The following NECAB1 variants were observed in gnomAD, a reference collection of about 807,000 sequenced individuals.
NECAB1 encodes the protein N-terminal EF-hand calcium-binding protein 1.
NECAB1 carries 29 observed loss-of-function variants against 57.5 expected under a neutral mutation model. The ratio of observed to expected loss-of-function variants is 0.50; its 90% CI spans 0.38 to 0.69. NECAB1 has a LOEUF of 0.69. Among genes scored for constraint, NECAB1 ranks in the 30% least tolerant of loss-of-function variants. The pLI, the probability that NECAB1 is intolerant of heterozygous loss-of-function variation, is 0.00. For synonymous variants in NECAB1, 142 were observed against 147.7 expected (o/e 0.96, Z 0.28); for missense variants, 372 against 413.8 (o/e 0.90, Z 0.88).
At chr8:90,955,094 A>T (rs1322422909) in intron 12 of NECAB1, among the ~76,000 whole-genome samples, 1 of 125,472 alleles carries the variant, frequency 8.0e-6, no homozygotes, top group East Asian at 2.5e-4. Context: ...AGGATTTCAT[A>T]AATATTGGGT....
At chr8:90,948,180 G>A (rs1409686916) in intron 10 of NECAB1, among the ~76,000 whole-genome samples, 1 of 152,076 alleles carries the variant, frequency 6.6e-6, no homozygotes. Flanking sequence ...CTCTTCCTAG[G>A]AAAACATATA....
At chr8:90,954,873 ATATG>A (rs1432178149) in intron 12 of NECAB1, among the ~76,000 whole-genome samples, 2 of 148,078 alleles carry the variant, frequency 1.4e-5, no homozygotes, top group African/African-American at 4.9e-5. Flanking sequence ...ACATATGCAT[ATATG>A]TATATTATGT....
rs201802034 is a variant in NECAB1, at chr8:90,849,361, TG to T, written c.234-22764del. Among the ~76,000 whole-genome samples the T allele has an allele frequency of 6.3e-3, 956 of 151,918 alleles. 9 individuals carry two copies. The highest frequency in any genetic ancestry group is 0.022 in the African/African-American group (907 of 41,424). ...ATGGGTGCCTGTAGTTCCAGCTGCT[TG>T]GGAGGCTGAGGTGGGAGGATCACTT... On this transcript the variant is annotated intron_variant, in intron 3 of 12. Coordinates refer to ENST00000417640, the MANE Select transcript of NECAB1 (RefSeq NM_022351.5).
intron 3 of NECAB1, among the ~76,000 whole-genome samples, chr8:90,841,728 G>T (rs1586050779): frequency 6.6e-6 from 1 of 152,174 alleles, no homozygotes; most frequent in Non-Finnish European, 1.5e-5. Context: ...CTGGGTTTCA[G>T]TATTGAGAGA....
At chr8:90,899,959 A>G (rs530962702) in intron 5 of NECAB1, among the ~76,000 whole-genome samples, 1 of 152,296 alleles carries the variant, frequency 6.6e-6, no homozygotes, top group South Asian at 2.1e-4. Flanking sequence ...CTACAGTCTG[A>G]TACACTAGTG....
rs1811053569 is a variant in NECAB1 at position 90,957,566 on chromosome 8, A to T, written c.*2054A>T. 6.6e-6 allele frequency: 1 copy of T among 151,046 alleles called. No individual in the cohort carries two copies. Among genetic ancestry groups the T allele is most frequent in the Non-Finnish European group, 1.5e-5 (1 of 67,662 alleles). 9.4% of individuals were successfully genotyped at this position (151,046 alleles called of 1,614,324 possible). ...CAGCTCTTATACAAATTATACATGT[A>T]TTTTTGTGTATGTTTGTGAGAGTTG... On this transcript the variant is annotated 3_prime_UTR_variant, in exon 13 of 13. Coordinates refer to ENST00000417640, the MANE Select transcript of NECAB1 (RefSeq NM_022351.5).
intron 10 of NECAB1, among the ~76,000 whole-genome samples, chr8:90,944,697 T>G (rs1810757594): frequency 6.6e-6 from 1 of 152,202 alleles, no homozygotes; most frequent in South Asian, 2.1e-4. Flanking sequence ...TAAAATCATG[T>G]TCATGGCCTA....
At chr8:90,948,541 TTAAGTTTACTGG>T (rs1209583563) in intron 10 of NECAB1, among the ~76,000 whole-genome samples, 1 of 152,230 alleles carries the variant, frequency 6.6e-6, no homozygotes, top group Non-Finnish European at 1.5e-5. Flanking sequence ...TCTCTTACTG[TTAAGTTTACTGG>T]TAAGTTCTTT....
chr8:90,836,209 A>T (rs1812368751), intron 3 of NECAB1, among the ~76,000 whole-genome samples: 1 of 150,686 alleles, frequency 6.6e-6, no homozygotes, highest in South Asian at 2.1e-4. Context: ...TTTATATGTT[A>T]AAAAAAGTTT....
intron 2 of NECAB1, among the ~76,000 whole-genome samples, chr8:90,808,238 A>T (rs951031935): frequency 2.6e-5 from 4 of 152,304 alleles, no homozygotes; most frequent in South Asian, 4.1e-4. Context: ...TGGAGGGCAC[A>T]CAGCATAGAC....
At chr8:90,940,538 T>TTA in intron 9 of NECAB1, 1 of 410,394 alleles carries the variant, frequency 2.4e-6, no homozygotes, top group Admixed American at 3.6e-5. Context: ...AATCACTGCT[T>TTA]TTAAAGGGAA....
chr8:90,814,155 C>T (rs61307809), intron 2 of NECAB1, among the ~76,000 whole-genome samples: 17,444 of 152,222 alleles, frequency 0.11, 1,575 homozygotes, highest in African/African-American at 0.25. Context: ...TCAAGGAGTA[C>T]TAGGTCTGCT....
chr8:90,850,725 G>A (rs1397068801), intron 3 of NECAB1, among the ~76,000 whole-genome samples: 2 of 152,126 alleles, frequency 1.3e-5, no homozygotes, highest in Admixed American at 1.3e-4. Flanking sequence ...TGTTTCCATT[G>A]AAATTATTAC....
chr8:90,921,169 A>G (rs2130140091), intron 6 of NECAB1, among the ~76,000 whole-genome samples: 1 of 152,208 alleles, frequency 6.6e-6, no homozygotes, highest in South Asian at 2.1e-4. Context: ...GTCATCTGCC[A>G]CCATGCCCAG....
chr8:90,872,342 G>C, intron 4 of NECAB1, 189 bp downstream of exon 4: 1 of 493,786 alleles, frequency 2.0e-6, no homozygotes, highest in Non-Finnish European at 3.6e-6. Context: ...ACTCCAGAAA[G>C]AGTTGGGCCT....
chr8:90,917,951 TACACACAC>T lies in NECAB1; in HGVS notation c.494+327_494+334del, dbSNP rs745796405. Reference sequence around the variant, plus strand: ...ATATATGTGTATGTGTGTATATATATACACACACACATATGTGTGTGTGTGTATATATA... The same window carrying T: ...ATATATGTGTATGTGTGTATATATATACATATGTGTGTGTGTGTATATATA... On this transcript the variant is annotated intron_variant, in intron 6 of 12. Coordinates refer to ENST00000417640, the MANE Select transcript of NECAB1 (RefSeq NM_022351.5). 1.6e-3 allele frequency among the ~76,000 whole-genome samples: 64 copies of T among 40,700 alleles called. No individual in the cohort carries two copies. In the African/African-American group the frequency reaches 0.025, roughly 16 times the overall value. 26.7% of individuals were successfully genotyped at this position (40,700 alleles called of 152,430 possible).
chr8:90,853,823 A>G (rs1038642728), intron 3 of NECAB1, among the ~76,000 whole-genome samples: 5 of 152,210 alleles, frequency 3.3e-5, no homozygotes, highest in African/African-American at 9.6e-5. Flanking sequence ...GATGGGTGGT[A>G]TCAGCCAGGA....
Position 90,791,972 on chromosome 8 carries a change from C to G in NECAB1, c.86C>G (p.Ser29Trp). The part of the protein sequence containing the change: ...SSALHLSKGM[S>W]IFLDILRRAD... The stretch of plus-strand genomic sequence containing the variant: ...GCTCTGCACCTGTCCAAGGGCATGT[C>G]GATCTTCCTCGACGTAAGTACAGAT... The change falls in exon 1 of 13, where the codon TCG (serine) becomes TGG (tryptophan). Residue 29 changes from serine to tryptophan, a missense_variant. Coordinates refer to ENST00000417640, the MANE Select transcript of NECAB1 (RefSeq NM_022351.5). 6.4e-7 allele frequency: 1 copy of G among 1,552,104 alleles called. No homozygotes were observed. Among genetic ancestry groups the G allele is most frequent in the Non-Finnish European group, 8.7e-7 (1 of 1,147,218 alleles).
At chr8:90,898,782 G>A (rs1432136032) in intron 5 of NECAB1, among the ~76,000 whole-genome samples, 1 of 152,198 alleles carries the variant, frequency 6.6e-6, no homozygotes, top group East Asian at 1.9e-4. Context: ...CACTCTCACA[G>A]TCAGGCACCT....
Sources: allele counts gnomAD v4.1 joint callset (sites outside exome capture counted in the v4.1 genomes callset), GRCh38; gene constraint gnomAD v4.1.1; transcripts MANE v1.5; gene names NCBI Gene and HGNC (gene_info 2026-07-23, HGNC 2026-07-21).